Variants in PSMG2 observed in about 807,000 individuals in gnomAD.
PSMG2 encodes the protein proteasome assembly chaperone 2.
In PSMG2, 21 loss-of-function variants were observed where a neutral mutation model predicts 31.5. The ratio of observed to expected loss-of-function variants is 0.67; its 90% CI spans 0.47 to 0.96. The LOEUF is 0.96. Ranked by LOEUF, PSMG2 falls within the 40% of genes least tolerant of loss-of-function variation. The pLI, the probability that PSMG2 is intolerant of heterozygous loss-of-function variation, is 0.00. For synonymous variants in PSMG2, 120 were observed against 110.4 expected, an observed-to-expected ratio of 1.09 and a Z score of -0.54; for missense variants, 318 against 321.2, an observed-to-expected ratio of 0.99 and a Z score of 0.08.
intron 1 of PSMG2, chr18:12,686,426 C>G (rs1255730374): frequency 6.2e-7 from 1 of 1,613,246 alleles, no homozygotes. Context: ...TAGGAACAGA[C>G]TGGTCTATTT....
In PSMG2 at chr18:12,703,051, C is replaced by A; in HGVS notation, c.-57C>A. ...GGGGTCTCGGGCTTCCGCCTTCTTG[C>A]TGCCCTCGTTCTTGCCAGGGCCGCG... is the stretch of plus-strand genomic sequence containing the variant. On this transcript the variant is annotated 5_prime_UTR_variant, in exon 1 of 7. The change creates a new upstream start codon in the 5' untranslated region. Coordinates refer to ENST00000317615, the MANE Select transcript of PSMG2 (RefSeq NM_020232.5). 6.3e-7 allele frequency: 1 copy of A among 1,579,860 alleles called. No individual in the cohort carries two copies.
At chr18:12,674,520 G>A (rs200658571) in intron 1 of PSMG2, 34 of 1,594,118 alleles carry the variant, frequency 2.1e-5, no homozygotes, top group South Asian at 6.6e-5. Flanking sequence ...AAATGATTCC[G>A]TAAATTACAC....
intron 1 of PSMG2, among the ~76,000 whole-genome samples, chr18:12,704,354 G>A (rs56089701): frequency 0.14 from 21,315 of 152,156 alleles, 1,731 homozygotes; most frequent in African/African-American, 0.2. Context: ...AGAAGGCCGA[G>A]TACAGGAGGA....
chr18:12,724,405 C>T, intron 5 of PSMG2, 94 bp from the exon 6 acceptor site: 2 of 1,285,366 alleles, frequency 1.6e-6, no homozygotes, highest in Non-Finnish European at 2.1e-6. Flanking sequence ...CTTTCCTAAA[C>T]CAGGTAGGTT....
chr18:12,671,370 TTTC>T (rs2038937947), intron 1 of PSMG2, among the ~76,000 whole-genome samples: 4 of 152,120 alleles, frequency 2.6e-5, no homozygotes, highest in African/African-American at 9.7e-5. Context: ...ATAGAGTTAC[TTTC>T]TTAAGACCAA....
chr18:12,722,554 C>T (rs2040440711), intron 5 of PSMG2, among the ~76,000 whole-genome samples: 1 of 152,142 alleles, frequency 6.6e-6, no homozygotes, highest in Non-Finnish European at 1.5e-5. Flanking sequence ...AGAACAGCTT[C>T]TGGTTAGCTA....
At chr18:12,682,993 T>C (rs1322550677) in intron 1 of PSMG2, among the ~76,000 whole-genome samples, 1 of 151,896 alleles carries the variant, frequency 6.6e-6, no homozygotes, top group Non-Finnish European at 1.5e-5. Context: ...AATAAAAATA[T>C]CTGCAAAGAT....
intron 3 of PSMG2, 39 bp downstream of exon 3, chr18:12,712,799 G>C: frequency 1.4e-6 from 2 of 1,477,284 alleles, no homozygotes; most frequent in Non-Finnish European, 1.9e-6. Flanking sequence ...TTATTAAAGT[G>C]TAATGAGAAA....
chr18:12,725,518 CT>C lies in PSMG2; in HGVS notation c.783del (p.Ala262HisfsTer35), dbSNP rs1316391513. 3 of 1,589,234 alleles carry C rather than the reference CT, an allele frequency of 1.9e-6. No individual in the cohort carries two copies. In the South Asian group the frequency reaches 3.3e-5, roughly 18 times the overall value. On this transcript the variant is annotated frameshift_variant, in exon 7 of 7. Coordinates refer to ENST00000317615, the MANE Select transcript of PSMG2 (RefSeq NM_020232.5). LOFTEE classifies it high-confidence loss of function. ...WRLLFGSGLP[P>X]ALF is the part of the protein sequence containing the mutation. ...TTACTCTTTGGCAGTGGTCTTCCCC[CT>C]GCACTTTTCTGATCTAATTTCTGTT...
intron 1 of PSMG2, among the ~76,000 whole-genome samples, chr18:12,694,197 G>A (rs868520379): frequency 6.6e-6 from 1 of 152,158 alleles, no homozygotes; most frequent in South Asian, 2.1e-4. Flanking sequence ...AGAGATTAGA[G>A]GGAGATGAGA....
intron 3 of PSMG2, among the ~76,000 whole-genome samples, chr18:12,713,655 A>G (rs891625188): frequency 6.6e-6 from 1 of 152,184 alleles, no homozygotes; most frequent in African/African-American, 2.4e-5. Flanking sequence ...CTACTTGGCC[A>G]TATTGGTTCC....
Position 12,718,592 on chromosome 18 carries a change from T to C in PSMG2, c.364T>C (p.Ser122Pro). The part of the protein sequence containing the change: ...SSGCARVIVL[S>P]SSHSYQRNDL... ...TGGCTGTGCCAGAGTCATTGTTCTT[T>C]CAAGCAGTCATTCATATCAGCGTAA... Residue 122 changes from serine to proline, a missense_variant, in exon 4 of 7, where the codon TCA (serine) becomes CCA (proline). By Grantham distance (74) the Ser-to-Pro change is moderately conservative (BLOSUM62 -1). Transcript: ENST00000317615. The C allele has an allele frequency of 6.2e-7, 1 of 1,612,610 alleles. No individual in the cohort carries two copies. The highest frequency in any genetic ancestry group is 1.1e-5 in the South Asian group (1 of 90,882).
At chr18:12,690,084 C>T (rs1475519810) in intron 1 of PSMG2, among the ~76,000 whole-genome samples, 10 of 140,704 alleles carry the variant, frequency 7.1e-5, no homozygotes, top group African/African-American at 2.5e-4. Flanking sequence ...CCACCGCGCC[C>T]GGCCAGGAAG....
intron 3 of PSMG2, among the ~76,000 whole-genome samples, chr18:12,716,230 G>A (rs910197467): frequency 2.6e-5 from 4 of 152,090 alleles, no homozygotes; most frequent in Admixed American, 2.0e-4. Flanking sequence ...TAGAATCACT[G>A]CTTTCTTTAG....
At chr18:12,681,216 T>C (rs918950944) in intron 1 of PSMG2, among the ~76,000 whole-genome samples, 1 of 150,290 alleles carries the variant, frequency 6.7e-6, no homozygotes, top group Non-Finnish European at 1.5e-5. Flanking sequence ...AAAAAAAATG[T>C]TTATAAAGAA....
intron 1 of PSMG2, chr18:12,673,368 T>C (rs755135507): frequency 1.2e-6 from 2 of 1,606,070 alleles, no homozygotes; most frequent in East Asian, 4.5e-5. Flanking sequence ...ATTGGCCCTA[T>C]AATACCGAGC....
At chr18:12,669,839 TA>T (rs545367261) in intron 1 of PSMG2, among the ~76,000 whole-genome samples, 1 of 150,576 alleles carries the variant, frequency 6.6e-6, no homozygotes, top group Non-Finnish European at 1.5e-5. Context: ...TGTCTCTACT[TA>T]AAAAAAATTA....
chr18:12,688,258 T>TG (rs2039619862), intron 1 of PSMG2, among the ~76,000 whole-genome samples: 1 of 149,260 alleles, frequency 6.7e-6, no homozygotes, highest in South Asian at 2.1e-4. Context: ...CAAAACCTAG[T>TG]GGCCTTAAAG....
intron 1 of PSMG2, among the ~76,000 whole-genome samples, chr18:12,659,143 A>G (rs2038642395): frequency 6.6e-6 from 1 of 152,232 alleles, no homozygotes; most frequent in Non-Finnish European, 1.5e-5. Context: ...AAAGCCCTAC[A>G]GAGTGTTGAA....
Sources: gnomAD v4.1 joint callset for allele counts (sites outside exome capture counted in the v4.1 genomes callset) on GRCh38, gnomAD v4.1.1 for gene constraint, MANE v1.5 for transcripts, NCBI Gene and HGNC (gene_info 2026-07-23, HGNC 2026-07-21) for gene names.